Variants in LINGO1 observed in about 807,000 individuals in gnomAD.
LINGO1 encodes the protein leucine rich repeat and Ig domain containing 1, also known as leucine-rich repeat and immunoglobulin-like domain-containing nogo receptor-interacting protein 1.
A neutral mutation model predicts 37.3 loss-of-function variants in LINGO1; 11 were observed. The ratio of observed to expected loss-of-function variants is 0.29; its 90% confidence interval spans 0.19 to 0.49. The LOEUF (loss-of-function observed/expected upper bound fraction) is 0.49, where lower values mean the gene tolerates loss of function less well. Ranked by LOEUF, LINGO1 falls within the 20% of genes least tolerant of loss-of-function variation. The pLI, the probability that LINGO1 is intolerant of heterozygous loss-of-function variation, is 0.99. For missense variants in LINGO1, 585 were observed against 878.2 expected (o/e 0.67, Z 4.22); for synonymous variants, 387 against 403.0 (o/e 0.96, Z 0.48).
chr15:77,639,372 C>A (rs1028934192), intron 3 of LINGO1, among the ~76,000 whole-genome samples: 2 of 151,890 alleles, frequency 1.3e-5, no homozygotes, highest in Non-Finnish European at 2.9e-5. Flanking sequence ...CCCAGTGTGG[C>A]GAGGGTATTG....
upstream of LINGO1, among the ~76,000 whole-genome samples, chr15:77,699,710 TTCCCACACACAATAAGCACATA>T (rs2075752468): frequency 6.9e-4 from 2 of 2,878 alleles, no homozygotes; most frequent in African/African-American, 9.1e-4. Context: ...CTAACCATCA[TTCCCACACACAATAAGCACATA>T]CTAACCATCA....
At chr15:77,794,275 T>C (rs1290816198) in intron 2 of LINGO1, among the ~76,000 whole-genome samples, 2 of 121,324 alleles carry the variant, frequency 1.6e-5, no homozygotes, top group African/African-American at 3.0e-5. Context: ...CAGAAACATA[T>C]ACATATATAT....
chr15:77,734,305 G>A (rs565180446), intron 2 of LINGO1, among the ~76,000 whole-genome samples: 5 of 152,112 alleles, frequency 3.3e-5, no homozygotes, highest in Admixed American at 6.5e-5. Context: ...CCAGAATTCC[G>A]GAGAGGGAGG....
upstream of LINGO1, among the ~76,000 whole-genome samples, chr15:77,633,426 C>T (rs1211078509): frequency 1.3e-5 from 2 of 152,338 alleles, no homozygotes; most frequent in East Asian, 1.9e-4. Context: ...GGAGGCCGAC[C>T]GGGAGCCCCC....
intron 1 of LINGO1, among the ~76,000 whole-genome samples, chr15:77,817,211 A>G (rs2077055900): frequency 6.6e-6 from 1 of 152,120 alleles, no homozygotes; most frequent in African/African-American, 2.4e-5. Flanking sequence ...AGCAGGACTG[A>G]GGGAAGTCAC....
chr15:77,674,306 C>G (rs1013207443), intron 3 of LINGO1, among the ~76,000 whole-genome samples: 8 of 152,352 alleles, frequency 5.3e-5, no homozygotes, highest in African/African-American at 1.7e-4. Flanking sequence ...TTGCCTCCTC[C>G]CTGGATCACT....
intron 1 of LINGO1, among the ~76,000 whole-genome samples, chr15:77,775,630 C>T (rs2076629462): frequency 6.6e-6 from 1 of 152,202 alleles, no homozygotes; most frequent in Non-Finnish European, 1.5e-5. Flanking sequence ...ACTGGGCCAT[C>T]CTCTGCTTCC....
Position 77,613,779 on chromosome 15 carries a change from G to C in LINGO1, c.*265C>G, listed in dbSNP as rs968265160. 1 of 465,854 alleles carries C rather than the reference G, an allele frequency of 2.1e-6. No homozygotes were observed. The highest frequency in any genetic ancestry group is 3.6e-5 in the Admixed American group (1 of 27,636). The allele number at this position is 465,854 out of a possible 1,614,324, so 28.9% of individuals were successfully genotyped here. On this transcript the variant is annotated 3_prime_UTR_variant, in exon 2 of 2. Transcript: ENST00000355300. ...TTTTTATTGAATTATTGACTCTGCC[G>C]CGTGTCGGTTCGTCGGCTTTCAACT...
At chr15:77,747,673 G>A (rs1414969410) in intron 1 of LINGO1, among the ~76,000 whole-genome samples, 1 of 152,238 alleles carries the variant, frequency 6.6e-6, no homozygotes, top group Non-Finnish European at 1.5e-5. Flanking sequence ...TGGAAGAAGG[G>A]CCAGAGAAGG....
At chr15:77,777,405 GACAC>G (rs1349728333) in intron 1 of LINGO1, among the ~76,000 whole-genome samples, 3 of 146,146 alleles carry the variant, frequency 2.1e-5, no homozygotes, top group Non-Finnish European at 4.5e-5. Context: ...CACACATATG[GACAC>G]ACACACACAA....
chr15:77,681,627 T>C (rs554718129), intron 2 of LINGO1, among the ~76,000 whole-genome samples: 4 of 152,318 alleles, frequency 2.6e-5, no homozygotes, highest in Non-Finnish European at 5.9e-5. Flanking sequence ...GCTGATTGAT[T>C]GGGCTTTAGT....
intron 2 of LINGO1, among the ~76,000 whole-genome samples, chr15:77,728,495 A>G (rs1596162951): frequency 6.6e-6 from 1 of 151,866 alleles, no homozygotes; most frequent in Admixed American, 6.6e-5. Flanking sequence ...CCTCACTCCT[A>G]CCCTCTCCTC....
intron 2 of LINGO1, among the ~76,000 whole-genome samples, chr15:77,703,710 G>A (rs1015523331): frequency 2.6e-5 from 4 of 152,146 alleles, no homozygotes; most frequent in South Asian, 2.1e-4. Flanking sequence ...AGAGAAGCCC[G>A]ATCCTTGGGG....
intron 1 of LINGO1, among the ~76,000 whole-genome samples, chr15:77,624,137 G>C (rs566305564): frequency 1.6e-4 from 22 of 139,940 alleles, no homozygotes; most frequent in African/African-American, 6.1e-4. Flanking sequence ...TGTGTGGCCT[G>C]TGTGTGTGAT....
chr15:77,631,355 C>A (rs1030163898), intron 1 of LINGO1, among the ~76,000 whole-genome samples: 1 of 151,996 alleles, frequency 6.6e-6, no homozygotes, highest in African/African-American at 2.4e-5. Flanking sequence ...TCCTCTCAGG[C>A]CCCCTTCTGC....
Position 77,613,916 on chromosome 15 carries a change from C to A in LINGO1, c.*128G>T. On this transcript the variant is annotated 3_prime_UTR_variant, in exon 2 of 2. Transcript: ENST00000355300. The stretch of plus-strand genomic sequence containing the variant: ...GGCGGGGGGCAGCAGGGGACGGAGG[C>A]GGGAGGGAGAAAGAGAACGTGTGTA... The A allele has an allele frequency of 1.3e-6, 1 of 794,916 alleles. No individual in the cohort carries two copies. The highest frequency in any genetic ancestry group is 1.9e-6 in the Non-Finnish European group (1 of 514,632). 49.2% of individuals were successfully genotyped at this position (794,916 alleles called of 1,614,324 possible). A position where few individuals can be genotyped will look rare whatever the true frequency, so the allele number is the denominator to read the frequency against.
At chr15:77,647,796 G>GTC in intron 3 of LINGO1, 2 of 450,320 alleles carry the variant, frequency 4.4e-6, no homozygotes, top group Non-Finnish European at 8.9e-6. Context: ...TTCTTTCCTT[G>GTC]TCTCTCTCTC....
At chr15:77,668,368 T>C (rs575821452) in intron 3 of LINGO1, among the ~76,000 whole-genome samples, 1 of 152,282 alleles carries the variant, frequency 6.6e-6, no homozygotes, top group Admixed American at 6.5e-5. Context: ...AAATGTGTAG[T>C]TGGTCTGGTG....
chr15:77,699,202 C>A (rs565975897), upstream of LINGO1, among the ~76,000 whole-genome samples: 1 of 151,742 alleles, frequency 6.6e-6, no homozygotes, highest in Non-Finnish European at 1.5e-5. Context: ...TTTCCCTGGG[C>A]CCCACTCTCT....
Sources: gnomAD v4.1 joint callset for allele counts (sites outside exome capture counted in the v4.1 genomes callset) on GRCh38, gnomAD v4.1.1 for gene constraint, MANE v1.5 for transcripts, NCBI Gene and HGNC (gene_info 2026-07-23, HGNC 2026-07-21) for gene names.